The following DCC variants were observed in gnomAD, a reference collection of about 807,000 sequenced individuals.
DCC encodes netrin receptor DCC.
DCC carries 58 observed loss-of-function variants against 172.5 expected under a neutral mutation model. That is an observed-to-expected ratio of 0.34 (90% CI 0.27 to 0.42). The LOEUF is 0.42. Among genes scored for constraint, DCC ranks in the 10% least tolerant of loss-of-function variants. The pLI is 1.00. For synonymous variants in DCC, 709 were observed against 644.5 expected (o/e 1.10, Z -1.52); for missense variants, 1,740 against 1,791.0 (o/e 0.97, Z 0.51).
At chr18:52,914,765 C>T (rs1472302095) in intron 3 of DCC, among the ~76,000 whole-genome samples, 2 of 152,036 alleles carry the variant, frequency 1.3e-5, no homozygotes, top group Admixed American at 6.6e-5. Flanking sequence ...GAACTAGATG[C>T]GGGATGGCTA....
intron 2 of DCC, among the ~76,000 whole-genome samples, chr18:52,885,168 T>C (rs945380902): frequency 7.9e-5 from 12 of 152,024 alleles, no homozygotes; most frequent in Admixed American, 5.9e-4. Flanking sequence ...GGCTACCACC[T>C]ATGTTCACTC....
At chr18:53,484,558 T>C (rs1287000627) in intron 25 of DCC, among the ~76,000 whole-genome samples, 1 of 152,184 alleles carries the variant, frequency 6.6e-6, no homozygotes. Flanking sequence ...AGGAATTAAC[T>C]TCTGGGTCTT....
intron 5 of DCC, among the ~76,000 whole-genome samples, chr18:52,989,138 C>T (rs770464829): frequency 1.3e-5 from 2 of 151,842 alleles, no homozygotes; most frequent in African/African-American, 4.8e-5. Flanking sequence ...ATACAATATC[C>T]ACCTCCCAAA....
intron 2 of DCC, among the ~76,000 whole-genome samples, chr18:52,859,930 A>T (rs1031146539): frequency 2.6e-5 from 4 of 152,234 alleles, no homozygotes; most frequent in South Asian, 2.1e-4. Flanking sequence ...ACAAACTAGG[A>T]TAAGCAAAAA....
chr18:52,992,166 G>T (rs1221470485), intron 5 of DCC, among the ~76,000 whole-genome samples: 1 of 152,180 alleles, frequency 6.6e-6, no homozygotes, highest in Non-Finnish European at 1.5e-5. Flanking sequence ...GTCATTCTCT[G>T]TTTCCTTCCC....
intron 1 of DCC, among the ~76,000 whole-genome samples, chr18:52,653,683 G>T (rs560795686): frequency 3.9e-5 from 6 of 152,264 alleles, no homozygotes; most frequent in African/African-American, 1.4e-4. Context: ...AACAAAGGTT[G>T]AAATTTTGAC....
intron 5 of DCC, among the ~76,000 whole-genome samples, chr18:52,948,143 A>G (rs913707850): frequency 1.3e-5 from 2 of 152,162 alleles, no homozygotes; most frequent in African/African-American, 4.8e-5. Context: ...CTGATTCAGG[A>G]TATATATTTT....
chr18:53,492,994 C>T (rs1483333044), intron 26 of DCC, among the ~76,000 whole-genome samples: 2 of 152,140 alleles, frequency 1.3e-5, no homozygotes, highest in Non-Finnish European at 2.9e-5. Context: ...TCTCTTATTT[C>T]CTTGAGCAGT....
At chr18:52,558,876 G>A (rs1412040658) in intron 1 of DCC, among the ~76,000 whole-genome samples, 3 of 152,114 alleles carry the variant, frequency 2.0e-5, no homozygotes, top group Non-Finnish European at 4.4e-5. Flanking sequence ...TAGAATTTTA[G>A]AGCCAAAGGA....
At chr18:52,354,738 A>G (rs987036433) in intron 1 of DCC, among the ~76,000 whole-genome samples, 8 of 152,220 alleles carry the variant, frequency 5.3e-5, no homozygotes, top group Non-Finnish European at 1.0e-4. Context: ...TTCTTTCTGC[A>G]TGAGCTTCAC....
intron 1 of DCC, among the ~76,000 whole-genome samples, chr18:52,374,528 A>G (rs1033998777): frequency 6.6e-5 from 10 of 152,110 alleles, no homozygotes; most frequent in African/African-American, 2.4e-4. Flanking sequence ...ATATTCATGC[A>G]TCTAAACAAA....
At chr18:53,162,429 AGCAGCT>A (rs1253129170) in intron 8 of DCC, among the ~76,000 whole-genome samples, 1 of 152,190 alleles carries the variant, frequency 6.6e-6, no homozygotes, top group African/African-American at 2.4e-5. Context: ...GTCTTACCAT[AGCAGCT>A]GGAGTAAACC....
At chr18:53,160,456 T>G (rs190979422) in intron 8 of DCC, among the ~76,000 whole-genome samples, 143 of 152,322 alleles carry the variant, frequency 9.4e-4, no homozygotes, top group African/African-American at 3.3e-3. Context: ...CAATTAAATA[T>G]TTGCTGACTT....
At chr18:53,041,913 G>A (rs1041882493) in intron 5 of DCC, among the ~76,000 whole-genome samples, 1 of 151,960 alleles carries the variant, frequency 6.6e-6, no homozygotes, top group Admixed American at 6.6e-5. Context: ...TTGGGGCTGA[G>A]ATGAGATTTT....
At chr18:53,397,123 T>C (rs112272840) in intron 17 of DCC, among the ~76,000 whole-genome samples, 185 bp from the exon 18 acceptor site, 16,799 of 151,588 alleles carry the variant, frequency 0.11, 997 homozygotes, top group East Asian at 0.21. Context: ...ATATTGTAAA[T>C]GTATAATCAG....
intron 1 of DCC, among the ~76,000 whole-genome samples, chr18:52,475,048 G>T (rs1989054417): frequency 6.6e-6 from 1 of 152,170 alleles, no homozygotes; most frequent in African/African-American, 2.4e-5. Context: ...CATAATTTCA[G>T]TCATCATGAT....
At chr18:53,160,522 A>G (rs1404834589) in intron 8 of DCC, among the ~76,000 whole-genome samples, 1 of 152,124 alleles carries the variant, frequency 6.6e-6, no homozygotes, top group African/African-American at 2.4e-5. Flanking sequence ...GCAAAAACCA[A>G]CTCAAGTAAA....
chr18:52,906,716 G>A (rs1313698538), intron 3 of DCC, among the ~76,000 whole-genome samples: 2 of 151,754 alleles, frequency 1.3e-5, no homozygotes, highest in South Asian at 2.1e-4. Context: ...AATTTGCAAC[G>A]TTAAGAACAT....
chr18:52,505,945 T>G (rs886600135), intron 1 of DCC, among the ~76,000 whole-genome samples: 2 of 152,130 alleles, frequency 1.3e-5, no homozygotes, highest in African/African-American at 4.8e-5. Flanking sequence ...ATCTGCAAAT[T>G]TTATGGAAAT....
Sources: gnomAD v4.1 joint callset for allele counts (sites outside exome capture counted in the v4.1 genomes callset) on GRCh38, gnomAD v4.1.1 for gene constraint, MANE v1.5 for transcripts, NCBI Gene and HGNC (gene_info 2026-07-23, HGNC 2026-07-21) for gene names.